ERBB4: variants seen among roughly 807,000 people sequenced by gnomAD.
ERBB4 encodes the protein erb-b2 receptor tyrosine kinase 4.
A neutral mutation model predicts 158.0 loss-of-function variants in ERBB4; 42 were observed. The ratio of observed to expected loss-of-function variants is 0.27; its 90% CI spans 0.21 to 0.34. ERBB4 has a LOEUF of 0.34. Ranked by LOEUF, ERBB4 falls within the 10% of genes least tolerant of loss-of-function variation. The pLI is 1.00. For synonymous variants in ERBB4, 583 were observed against 558.7 expected, an observed-to-expected ratio of 1.04 and a Z score of -0.61; for missense variants, 1,333 against 1,624.1, an observed-to-expected ratio of 0.82 and a Z score of 3.08.
At chr2:212,305,346 T>C (rs2086773064) in intron 1 of ERBB4, among the ~76,000 whole-genome samples, 1 of 151,410 alleles carries the variant, frequency 6.6e-6, no homozygotes. Flanking sequence ...GCATAAATTA[T>C]CTTGGTTAAT....
intron 1 of ERBB4, among the ~76,000 whole-genome samples, chr2:212,461,258 C>T (rs1688558283): frequency 6.6e-6 from 1 of 152,148 alleles, no homozygotes; most frequent in East Asian, 1.9e-4. Flanking sequence ...AAGTAGCAGA[C>T]ACTCAAAGCC....
intron 12 of ERBB4, among the ~76,000 whole-genome samples, chr2:211,690,039 G>A (rs113141248): frequency 0.097 from 14,336 of 147,614 alleles, 901 homozygotes; most frequent in Non-Finnish European, 0.13. Flanking sequence ...TTATAGATAT[G>A]ATATATAAAT....
intron 1 of ERBB4, among the ~76,000 whole-genome samples, chr2:212,480,556 T>C (rs1231340414): frequency 6.6e-6 from 1 of 152,230 alleles, no homozygotes; most frequent in Non-Finnish European, 1.5e-5. Flanking sequence ...TCAAAGATAG[T>C]GCCTCCTTAT....
intron 2 of ERBB4, among the ~76,000 whole-genome samples, chr2:212,063,739 ATATAGGAAC>A (rs764047331): frequency 6.6e-6 from 1 of 152,214 alleles, no homozygotes; most frequent in Non-Finnish European, 1.5e-5. Context: ...AATAGGTTAA[ATATAGGAAC>A]TATCATAGCA....
intron 20 of ERBB4, among the ~76,000 whole-genome samples, chr2:211,549,195 A>T (rs1036546595): frequency 6.6e-6 from 1 of 152,140 alleles, no homozygotes; most frequent in Non-Finnish European, 1.5e-5. Context: ...AAGATGTAAA[A>T]TTGCAATTTT....
chr2:211,554,703 C>T (rs547652123), intron 20 of ERBB4, among the ~76,000 whole-genome samples: 1 of 152,238 alleles, frequency 6.6e-6, no homozygotes, highest in African/African-American at 2.4e-5. Context: ...TAACTGGAAC[C>T]CAAGTGCAAA....
At chr2:211,758,807 G>T (rs930596484) in intron 4 of ERBB4, among the ~76,000 whole-genome samples, 1 of 152,118 alleles carries the variant, frequency 6.6e-6, no homozygotes, top group Non-Finnish European at 1.5e-5. Context: ...TATATGTAGT[G>T]GTGGGCCTTC....
At chr2:211,874,666 A>G (rs2078446320) in intron 3 of ERBB4, among the ~76,000 whole-genome samples, 1 of 151,946 alleles carries the variant, frequency 6.6e-6, no homozygotes, top group South Asian at 2.1e-4. Context: ...GTTCTTTCCT[A>G]TTGTGAGTGT....
intron 1 of ERBB4, among the ~76,000 whole-genome samples, chr2:212,295,473 A>G (rs1238087041): frequency 6.6e-6 from 1 of 152,084 alleles, no homozygotes; most frequent in Non-Finnish European, 1.5e-5. Flanking sequence ...TCTGTTTCAA[A>G]TGAAAAGAAA....
At chr2:212,131,401 T>C (rs78066306) in intron 1 of ERBB4, among the ~76,000 whole-genome samples, 11,631 of 152,246 alleles carry the variant, frequency 0.076, 887 homozygotes, top group African/African-American at 0.2. Flanking sequence ...CTTGTAAGAA[T>C]CTGTAGTCAT....
chr2:211,464,984 T>A (rs979739935), intron 20 of ERBB4, among the ~76,000 whole-genome samples: 1 of 148,668 alleles, frequency 6.7e-6, no homozygotes, highest in Non-Finnish European at 1.5e-5. Context: ...TTTTTTTTCT[T>A]TTTTTTTTTT....
At chr2:212,138,510 C>T (rs941470393) in intron 1 of ERBB4, among the ~76,000 whole-genome samples, 1 of 152,224 alleles carries the variant, frequency 6.6e-6, no homozygotes, top group South Asian at 2.1e-4. Context: ...CAGGACCCTT[C>T]AGACAGTCTC....
Position 212,231,053 on chromosome 2 carries a change from T to C in ERBB4, c.83-106150A>G, listed in dbSNP as rs370565507. Among the ~76,000 whole-genome samples, 6 of 152,312 alleles carry C rather than the reference T, an allele frequency of 3.9e-5. No individual in the cohort carries two copies. The South Asian group carries it at 1.0e-3, about 26-fold the overall frequency. ...CTTCGAAATACAGTTAGAGTATAGT[T>C]AGGGTGTAGATATGAACAATGCCAG... On this transcript the variant is annotated intron_variant, in intron 1 of 27. Coordinates refer to ENST00000342788, the MANE Select transcript of ERBB4 (RefSeq NM_005235.3).
chr2:212,403,675 G>A (rs1013609652), intron 1 of ERBB4, among the ~76,000 whole-genome samples: 4 of 151,996 alleles, frequency 2.6e-5, no homozygotes, highest in Admixed American at 6.6e-5. Flanking sequence ...AGATACTAAA[G>A]TAATGAAATT....
chr2:212,517,976 A>AT (rs1252505513), intron 1 of ERBB4, among the ~76,000 whole-genome samples: 1 of 152,076 alleles, frequency 6.6e-6, no homozygotes, highest in Non-Finnish European at 1.5e-5. Context: ...AGCTGTGCTG[A>AT]TTTTCAACCT....
At chr2:212,142,744 A>G (rs2080527139) in intron 1 of ERBB4, among the ~76,000 whole-genome samples, 1 of 151,800 alleles carries the variant, frequency 6.6e-6, no homozygotes, top group Non-Finnish European at 1.5e-5. Flanking sequence ...GGCTATGTTC[A>G]CATGGCACAG....
At chr2:211,570,089 T>A (rs2067669055) in intron 19 of ERBB4, among the ~76,000 whole-genome samples, 1 of 152,064 alleles carries the variant, frequency 6.6e-6, no homozygotes, top group Non-Finnish European at 1.5e-5. Context: ...AATCTCCTGA[T>A]TTGATCCTCC....
intron 20 of ERBB4, among the ~76,000 whole-genome samples, chr2:211,555,847 C>A (rs924543924): frequency 6.6e-6 from 1 of 152,166 alleles, no homozygotes; most frequent in Non-Finnish European, 1.5e-5. Flanking sequence ...AAAGAAAGAC[C>A]ATTACCAGTC....
chr2:212,346,115 C>T (rs1463683983), intron 1 of ERBB4, among the ~76,000 whole-genome samples: 3 of 152,084 alleles, frequency 2.0e-5, no homozygotes, highest in Non-Finnish European at 2.9e-5. Flanking sequence ...GAAACACACT[C>T]TCAGAAGTAG....
Sources: gnomAD v4.1 joint callset for allele counts (sites outside exome capture counted in the v4.1 genomes callset) on GRCh38, gnomAD v4.1.1 for gene constraint, MANE v1.5 for transcripts, NCBI Gene and HGNC (gene_info 2026-07-23, HGNC 2026-07-21) for gene names.